The following PARD3 variants were observed in gnomAD, a reference collection of about 807,000 sequenced individuals.
PARD3 encodes the protein par-3 family cell polarity regulator.
PARD3 carries 75 observed loss-of-function variants against 155.4 expected under a neutral mutation model. That is an observed-to-expected ratio of 0.48 (90% CI 0.40 to 0.58). The LOEUF (loss-of-function observed/expected upper bound fraction) is 0.58. PARD3 is among the 20% of genes least tolerant of loss of function. PARD3 has a pLI of 0.00. For missense variants in PARD3, 1,642 were observed against 1,721.7 expected (o/e 0.95, Z 0.82); for synonymous variants, 576 against 610.5 (o/e 0.94, Z 0.83).
At chr10:34,593,107 G>C (rs898996559) in intron 2 of PARD3, among the ~76,000 whole-genome samples, 1 of 152,166 alleles carries the variant, frequency 6.6e-6, no homozygotes, top group Non-Finnish European at 1.5e-5. Context: ...GTGGGTTTGA[G>C]GCAGAAATGT....
chr10:34,479,306 C>G (rs1001060644), intron 3 of PARD3, among the ~76,000 whole-genome samples: 1 of 151,750 alleles, frequency 6.6e-6, no homozygotes, highest in Non-Finnish European at 1.5e-5. Flanking sequence ...GGACTACAGG[C>G]GCCTGCCACC....
chr10:34,261,769 G>GAA (rs1954997360), intron 22 of PARD3, among the ~76,000 whole-genome samples: 16 of 67,718 alleles, frequency 2.4e-4, no homozygotes, highest in African/African-American at 5.6e-4. Flanking sequence ...AGGAAGGAAG[G>GAA]AAGAAAGAAA....
intron 20 of PARD3, among the ~76,000 whole-genome samples, chr10:34,314,061 A>T (rs182532197): frequency 1.3e-5 from 2 of 152,330 alleles, no homozygotes; most frequent in Non-Finnish European, 2.9e-5. Context: ...ATATATGTGC[A>T]CATGCATGTT....
At position 34,317,181 on chromosome 10, in the gene PARD3, CTTCTT is replaced by C; in HGVS notation, c.2986_2990del (p.Lys996GlufsTer3). 1 of 1,610,602 alleles carries C rather than the reference CTTCTT, an allele frequency of 6.2e-7. No individual in the cohort carries two copies. Among genetic ancestry groups the C allele is most frequent in the Non-Finnish European group, 8.5e-7 (1 of 1,178,292 alleles). On this transcript the variant is annotated frameshift_variant, in exon 20 of 25. Transcript: ENST00000374788. LOFTEE classifies it high-confidence loss of function. ...TATCCTTCTCCTTATCTCTATCTTT[CTTCTT>C]TTCTTTTCCAGTTTTATCCTTTTTT...
chr10:34,803,160 A>T (rs1375679787), intron 1 of PARD3, among the ~76,000 whole-genome samples: 10 of 151,272 alleles, frequency 6.6e-5, no homozygotes, highest in Admixed American at 6.6e-4. Context: ...AATCAGTTGA[A>T]CCCAGGAGAC....
At chr10:34,760,295 T>C (rs12254980) in intron 1 of PARD3, among the ~76,000 whole-genome samples, 3,594 of 152,240 alleles carry the variant, frequency 0.024, 142 homozygotes, top group African/African-American at 0.083. Flanking sequence ...GTGCTGCGAT[T>C]ACAGACATGA....
At position 34,284,173 on chromosome 10, in the gene PARD3, T is replaced by C; in HGVS notation, c.3138A>G (p.Ser1046=). The C allele has an allele frequency of 1.9e-6, 3 of 1,609,604 alleles. No individual in the cohort carries two copies. Among genetic ancestry groups the C allele is most frequent in the Non-Finnish European group, 2.5e-6 (3 of 1,177,414 alleles). Residue 1046 remains serine (S), a synonymous_variant, in exon 21 of 25, where the codon TCA becomes TCG. Transcript: ENST00000374788. ...GKIKIQESFT[S]EEERIRMKQE... is the part of the protein sequence containing the mutation. Reference sequence around the variant, plus strand: ...GCTTCATTCGTATCCTCTCCTCTTCTGATGTAAAGGATTCCTGTATTTTTA... The same window carrying C: ...GCTTCATTCGTATCCTCTCCTCTTCCGATGTAAAGGATTCCTGTATTTTTA...
chr10:34,569,850 A>T (rs1023255372), intron 2 of PARD3, among the ~76,000 whole-genome samples: 3 of 151,954 alleles, frequency 2.0e-5, no homozygotes, highest in Non-Finnish European at 4.4e-5. Context: ...TAAAGAATGA[A>T]GATTAAATGA....
At chr10:34,278,386 G>C (rs931894322) in intron 21 of PARD3, among the ~76,000 whole-genome samples, 3 of 151,904 alleles carry the variant, frequency 2.0e-5, no homozygotes, top group African/African-American at 7.3e-5. Flanking sequence ...TCCCTGAGAG[G>C]GAAAAAACAT....
intron 22 of PARD3, among the ~76,000 whole-genome samples, chr10:34,166,020 T>C (rs539091135): frequency 1.3e-5 from 2 of 152,334 alleles, no homozygotes; most frequent in East Asian, 1.9e-4. Flanking sequence ...CGCTATTCTG[T>C]TTTTAAAATC....
rs866067418 is a variant in PARD3, at chr10:34,514,962, G to C, written c.403+2017C>G. Reference sequence around the variant, plus strand: ...ACAACACTACAACGGTAACACAACAGAAAGTTCTGTATTTAAGTATACACA... The same window carrying C: ...ACAACACTACAACGGTAACACAACACAAAGTTCTGTATTTAAGTATACACA... On this transcript the variant is annotated intron_variant, in intron 3 of 24. Coordinates refer to ENST00000374788, the MANE Select transcript of PARD3 (RefSeq NM_001184785.2). 5.9e-4 allele frequency among the ~76,000 whole-genome samples: 90 copies of C among 152,222 alleles called. No individual in the cohort carries two copies. In the Middle Eastern group the frequency reaches 0.014, roughly 23 times the overall value.
chr10:34,446,614 T>C (rs12254290), intron 5 of PARD3, among the ~76,000 whole-genome samples: 2,570 of 152,336 alleles, frequency 0.017, 68 homozygotes, highest in African/African-American at 0.059. Flanking sequence ...AAGATACTAA[T>C]ATCAATTAGT....
intron 3 of PARD3, among the ~76,000 whole-genome samples, chr10:34,484,601 C>T (rs2079316071): frequency 6.6e-6 from 1 of 152,082 alleles, no homozygotes; most frequent in African/African-American, 2.4e-5. Flanking sequence ...TTTTTGAGCC[C>T]CATGTCCCTA....
chr10:34,623,419 CTTCAATAATTACG>C (rs1206286229), intron 2 of PARD3, among the ~76,000 whole-genome samples: 3 of 152,188 alleles, frequency 2.0e-5, no homozygotes, highest in Non-Finnish European at 4.4e-5. Context: ...CTCTCCTTCC[CTTCAATAATTACG>C]TTCAGTTTTA....
At chr10:34,773,203 C>A (rs1415603558) in intron 1 of PARD3, among the ~76,000 whole-genome samples, 2 of 152,230 alleles carry the variant, frequency 1.3e-5, no homozygotes, top group African/African-American at 4.8e-5. Context: ...GCTTGCCCCA[C>A]AACTAATAAC....
chr10:34,467,417 A>T (rs956549496), intron 4 of PARD3, among the ~76,000 whole-genome samples: 1 of 151,510 alleles, frequency 6.6e-6, no homozygotes, highest in African/African-American at 2.4e-5. Flanking sequence ...TTTGTTCTAT[A>T]AGTTCGCCAA....
At chr10:34,335,756 T>C (rs1004814267) in intron 18 of PARD3, among the ~76,000 whole-genome samples, 3 of 152,088 alleles carry the variant, frequency 2.0e-5, no homozygotes, top group Admixed American at 1.3e-4. Flanking sequence ...GACGTTGTCC[T>C]ACAATGAAAA....
chr10:34,722,201 A>G (rs1225805234), intron 1 of PARD3, among the ~76,000 whole-genome samples: 2 of 151,858 alleles, frequency 1.3e-5, no homozygotes, highest in African/African-American at 4.8e-5. Flanking sequence ...CAAAATATAT[A>G]TTTTTGAGAC....
chr10:34,262,672 G>T (rs1360379317), intron 22 of PARD3, among the ~76,000 whole-genome samples: 1 of 152,194 alleles, frequency 6.6e-6, no homozygotes, highest in Non-Finnish European at 1.5e-5. Context: ...CGTTCAAGCT[G>T]CCCTATTTCC....
Sources: allele counts gnomAD v4.1 joint callset (sites outside exome capture counted in the v4.1 genomes callset), GRCh38; gene constraint gnomAD v4.1.1; transcripts MANE v1.5; gene names NCBI Gene and HGNC (gene_info 2026-07-23, HGNC 2026-07-21).